The following PREX2 variants were observed in gnomAD, a reference collection of about 807,000 sequenced individuals.
PREX2 encodes phosphatidylinositol-3,4,5-trisphosphate dependent Rac exchange factor 2.
Under a neutral mutation model 203.2 loss-of-function variants are expected in PREX2, and 107 were observed. That is an observed-to-expected ratio of 0.53 (90% CI 0.45 to 0.62). PREX2 has a LOEUF of 0.62. Ranked by LOEUF, PREX2 falls within the 20% of genes least tolerant of loss-of-function variation. The pLI is 0.00. For synonymous variants in PREX2, 672 were observed against 663.6 expected, an observed-to-expected ratio of 1.01 and a Z score of -0.19; for missense variants, 1,777 against 1,955.9, an observed-to-expected ratio of 0.91 and a Z score of 1.72.
intron 1 of PREX2, among the ~76,000 whole-genome samples, chr8:67,975,131 C>G (rs1806036407): frequency 6.6e-6 from 1 of 152,102 alleles, no homozygotes; most frequent in South Asian, 2.1e-4. Context: ...TTTATTTTGT[C>G]CCTCGCTTTC....
chr8:68,046,049 T>G (rs1808342407), intron 8 of PREX2, among the ~76,000 whole-genome samples: 1 of 152,060 alleles, frequency 6.6e-6, no homozygotes, highest in South Asian at 2.1e-4. Flanking sequence ...ACTAAAAACT[T>G]CTACTCTGTT....
chr8:67,999,864 C>A (rs1806887826), intron 1 of PREX2, among the ~76,000 whole-genome samples: 1 of 152,128 alleles, frequency 6.6e-6, no homozygotes, highest in Admixed American at 6.5e-5. Flanking sequence ...AAGACCAAAA[C>A]CACATGATTA....
At chr8:68,132,052 G>A (rs187284811) in intron 31 of PREX2, among the ~76,000 whole-genome samples, 1 of 152,042 alleles carries the variant, frequency 6.6e-6, no homozygotes, top group Non-Finnish European at 1.5e-5. Flanking sequence ...CAGTACCCTA[G>A]GTGCACACTG....
At chr8:67,998,790 A>C (rs1207503017) in intron 1 of PREX2, among the ~76,000 whole-genome samples, 1 of 152,208 alleles carries the variant, frequency 6.6e-6, no homozygotes, top group East Asian at 1.9e-4. Flanking sequence ...ACAAACAAAC[A>C]AAAATTTAAA....
chr8:68,093,724 T>A lies in PREX2; in HGVS notation c.2368+2T>A, dbSNP rs2129612371. On this transcript the variant is annotated splice_donor_variant, in intron 21 of 39. Transcript: ENST00000288368. LOFTEE classifies it high-confidence loss of function. ...ATGCTTTTGACTGTAAAGTAGAAGG[T>A]AGGTTTCTTATTTTCTTCTTCATGT... The A allele has an allele frequency of 6.8e-7, 1 of 1,478,740 alleles. No individual in the cohort carries two copies. Among genetic ancestry groups the A allele is most frequent in the Non-Finnish European group, 9.4e-7 (1 of 1,062,480 alleles). The allele number at this position is 1,478,740 out of a possible 1,614,324, so 91.6% of individuals were successfully genotyped here.
At chr8:68,162,080 C>T (rs375896353) in intron 35 of PREX2, among the ~76,000 whole-genome samples, 1 of 152,100 alleles carries the variant, frequency 6.6e-6, no homozygotes, top group Non-Finnish European at 1.5e-5. Context: ...AAGACTCACC[C>T]CCATAATTCA....
intron 1 of PREX2, among the ~76,000 whole-genome samples, chr8:68,000,982 A>G (rs114261421): frequency 6.6e-6 from 1 of 152,244 alleles, no homozygotes; most frequent in African/African-American, 2.4e-5. Context: ...TGTAAAATCC[A>G]AAACTGTAGA....
At chr8:68,058,133 C>T (rs533729122) in intron 10 of PREX2, among the ~76,000 whole-genome samples, 1 of 152,308 alleles carries the variant, frequency 6.6e-6, no homozygotes, top group Admixed American at 6.5e-5. Context: ...ATGGAATTTC[C>T]TCATTCCCTG....
At chr8:67,968,994 G>T (rs1805850208) in intron 1 of PREX2, among the ~76,000 whole-genome samples, 1 of 152,308 alleles carries the variant, frequency 6.6e-6, no homozygotes, top group South Asian at 2.1e-4. Flanking sequence ...CAATCCATCA[G>T]TAGCTCTTAC....
chr8:67,984,103 G>A (rs943140221), intron 1 of PREX2, among the ~76,000 whole-genome samples: 4 of 152,124 alleles, frequency 2.6e-5, no homozygotes, highest in Non-Finnish European at 5.9e-5. Context: ...CTTTAGAATC[G>A]TTCTAAGGTG....
chr8:67,997,459 G>A (rs1176356541), intron 1 of PREX2, among the ~76,000 whole-genome samples: 4 of 152,060 alleles, frequency 2.6e-5, no homozygotes, highest in Non-Finnish European at 5.9e-5. Flanking sequence ...AGGGATAAAG[G>A]GGGACTACTG....
At position 68,099,782 on chromosome 8, in the gene PREX2, T is replaced by G. The variant is rs1444459184; in HGVS notation, c.2654T>G (p.Phe885Cys). The G allele has an allele frequency of 1.2e-6, 2 of 1,613,646 alleles. No homozygotes were observed. ...ATTCCTACTGACCTTCAGAGTAAAT[T>G]CAGTGCCCTTTGCAGTGAAAGAATT... ...EVIPTDLQSK[F>C]SALCSERIEH... is the part of the protein sequence containing the mutation. The change falls in exon 23 of 40, where the codon TTC becomes TGC. Residue 885 changes from phenylalanine to cysteine, a missense_variant. Phe to Cys is a radical substitution (Grantham distance 205). Transcript: ENST00000288368.
chr8:68,029,782 T>C (rs2129610479), intron 5 of PREX2, among the ~76,000 whole-genome samples: 1 of 152,212 alleles, frequency 6.6e-6, no homozygotes, highest in African/African-American at 2.4e-5. Flanking sequence ...GCTTTCAATA[T>C]GTTTAAGAGA....
At chr8:67,971,947 T>C (rs1216656569) in intron 1 of PREX2, among the ~76,000 whole-genome samples, 1 of 152,234 alleles carries the variant, frequency 6.6e-6, no homozygotes, top group Non-Finnish European at 1.5e-5. Flanking sequence ...GGAGGACTGA[T>C]GTATTTTCCA....
At chr8:67,970,049 T>C (rs1205833666) in intron 1 of PREX2, among the ~76,000 whole-genome samples, 1 of 152,224 alleles carries the variant, frequency 6.6e-6, no homozygotes, top group East Asian at 1.9e-4. Flanking sequence ...GCTGTAGTTA[T>C]AATCTGCTTA....
At chr8:68,194,067 G>A (rs1404604) in intron 37 of PREX2, among the ~76,000 whole-genome samples, 136,891 of 152,272 alleles carry the variant, frequency 0.9, 61,593 homozygotes, top group East Asian at 1. Context: ...CTGTATCTGA[G>A]TGGATCAAAG....
Position 68,127,387 on chromosome 8 carries a change from G to A in PREX2, c.3734G>A (p.Cys1245Tyr), listed in dbSNP as rs759286883. ...TTTTCTTTCTCTGCAGAGGTAAAGT[G>A]TAGGCTACTCCTGGCTCTTCTTGAA... ...NIRKFVEEVKCRLLLALLEYS... is the reference protein window; with the variant it reads ...NIRKFVEEVKYRLLLALLEYS... Residue 1245 changes from cysteine (C) to tyrosine (Y), a missense_variant, in exon 31 of 40, where the codon TGT becomes TAT. Cys to Tyr is a radical substitution (Grantham distance 194, BLOSUM62 -2). Transcript: ENST00000288368. The A allele has an allele frequency of 1.9e-6, 3 of 1,606,582 alleles. No individual in the cohort carries two copies.
At chr8:68,067,157 G>T (rs142422904) in intron 11 of PREX2, among the ~76,000 whole-genome samples, 1 of 152,176 alleles carries the variant, frequency 6.6e-6, no homozygotes, top group African/African-American at 2.4e-5. Context: ...GTAATGTCAT[G>T]CCTTCAGCTT....
rs181533313 is a variant in PREX2 at position 68,018,010 on chromosome 8, C to T, written c.213+93C>T. 2.7e-4 allele frequency: 230 copies of T among 865,812 alleles called. 1 individual carries two copies. Among genetic ancestry groups the T allele is most frequent in the Non-Finnish European group, 3.8e-4 (199 of 523,594 alleles). 53.6% of individuals were successfully genotyped at this position (865,812 alleles called of 1,614,324 possible). ...GGTACTTCACAGCCCTTCAGTTGATCGGCAGTTCCACTACAAGTTGCTGTT... is the reference window on the plus strand; with the variant it reads ...GGTACTTCACAGCCCTTCAGTTGATTGGCAGTTCCACTACAAGTTGCTGTT... On this transcript the variant is annotated intron_variant, in intron 2 of 39. Coordinates refer to ENST00000288368, the MANE Select transcript of PREX2 (RefSeq NM_024870.4).
Sources: gnomAD v4.1 joint callset for allele counts (sites outside exome capture counted in the v4.1 genomes callset) on GRCh38, gnomAD v4.1.1 for gene constraint, MANE v1.5 for transcripts, NCBI Gene and HGNC (gene_info 2026-07-23, HGNC 2026-07-21) for gene names.